Variants in RIT2 observed in about 807,000 individuals in gnomAD.
RIT2 encodes GTP-binding protein Rit2.
RIT2 carries 24 observed loss-of-function variants against 23.7 expected under a neutral mutation model. The observed-to-expected ratio is 1.01, with a 90% CI of 0.73 to 1.43. The LOEUF (loss-of-function observed/expected upper bound fraction) is 1.43, where lower values mean the gene tolerates loss of function less well. RIT2 is among the 40% of genes most tolerant of loss of function. RIT2 has a pLI of 0.00. For synonymous variants in RIT2, 107 were observed against 91.1 expected (o/e 1.17, Z -0.99); for missense variants, 236 against 266.9 (o/e 0.88, Z 0.81).
intron 4 of RIT2, among the ~76,000 whole-genome samples, chr18:42,851,026 T>C (rs1907040917): frequency 1.3e-5 from 2 of 152,198 alleles, no homozygotes; most frequent in South Asian, 2.1e-4. Flanking sequence ...ACATAAGAGG[T>C]GCTCATGAGT....
At chr18:42,895,641 C>T (rs989100629) in intron 4 of RIT2, among the ~76,000 whole-genome samples, 25 of 152,206 alleles carry the variant, frequency 1.6e-4, no homozygotes, top group Admixed American at 3.3e-4. Flanking sequence ...GAGATGTAAA[C>T]GGTTTTAAGT....
chr18:42,744,733 G>A (rs1463162919), intron 4 of RIT2, among the ~76,000 whole-genome samples: 2 of 152,040 alleles, frequency 1.3e-5, no homozygotes, highest in Non-Finnish European at 2.9e-5. Context: ...TTTCACTGAA[G>A]AATAAGTTGA....
intron 4 of RIT2, among the ~76,000 whole-genome samples, chr18:42,830,150 C>T (rs1207597206): frequency 6.6e-6 from 1 of 152,118 alleles, no homozygotes; most frequent in East Asian, 1.9e-4. Context: ...ATTTAGAGAC[C>T]ATAACTAGCC....
At chr18:43,034,213 G>A (rs1911924089) in intron 1 of RIT2, among the ~76,000 whole-genome samples, 2 of 152,132 alleles carry the variant, frequency 1.3e-5, no homozygotes, top group Non-Finnish European at 2.9e-5. Context: ...TGGTAATGAT[G>A]TGCAAGTCCC....
chr18:43,074,923 G>A (rs1194383087), intron 1 of RIT2, among the ~76,000 whole-genome samples: 1 of 152,100 alleles, frequency 6.6e-6, no homozygotes, highest in Non-Finnish European at 1.5e-5. Context: ...GGAGAGCATC[G>A]GGAAAAATAG....
chr18:43,013,847 C>A (rs1911409970), intron 2 of RIT2, among the ~76,000 whole-genome samples: 1 of 151,708 alleles, frequency 6.6e-6, no homozygotes, highest in African/African-American at 2.4e-5. Flanking sequence ...CCTGGGCATA[C>A]TTCTCACAAA....
chr18:42,852,543 C>A (rs889543625), intron 4 of RIT2, among the ~76,000 whole-genome samples: 2 of 152,040 alleles, frequency 1.3e-5, no homozygotes, highest in African/African-American at 4.8e-5. Flanking sequence ...ATTTGTTACT[C>A]GGAGATGTTG....
Position 43,115,652 on chromosome 18 carries a change from C to T in RIT2, c.-133G>A. On this transcript the variant is annotated 5_prime_UTR_variant, in exon 1 of 5. Transcript: ENST00000326695. The stretch of plus-strand genomic sequence containing the variant: ...CGAGGTAAGAACCATCAGCGTCGGG[C>T]TGGCTGCTGGTCCTCCGCTCGAGCG... The T allele has an allele frequency of 7.7e-7, 1 of 1,294,244 alleles. No individual in the cohort carries two copies. The highest frequency in any genetic ancestry group is 1.0e-6 in the Non-Finnish European group (1 of 984,912). The allele number at this position is 1,294,244 out of a possible 1,614,324, so 80.2% of individuals were successfully genotyped here.
intron 4 of RIT2, among the ~76,000 whole-genome samples, chr18:42,744,200 T>C (rs925744948): frequency 1.3e-5 from 2 of 152,176 alleles, no homozygotes; most frequent in African/African-American, 2.4e-5. Flanking sequence ...CTCCCTTTGC[T>C]GACTCTCTTT....
intron 4 of RIT2, among the ~76,000 whole-genome samples, chr18:42,793,247 T>A (rs1293610203): frequency 6.6e-6 from 1 of 152,222 alleles, no homozygotes; most frequent in Non-Finnish European, 1.5e-5. Flanking sequence ...TTAATTTTTA[T>A]CTATAAAATG....
chr18:43,047,015 A>G (rs1296757960), intron 1 of RIT2, among the ~76,000 whole-genome samples: 1 of 152,144 alleles, frequency 6.6e-6, no homozygotes, highest in Admixed American at 6.5e-5. Context: ...ACCCTTCCAA[A>G]TAAAAAAAAG....
At position 42,758,011 on chromosome 18, in the gene RIT2, T is replaced by A. The variant is rs553817760; in HGVS notation, c.427-14291A>T. Among the ~76,000 whole-genome samples, 377 of 152,112 alleles carry A rather than the reference T, an allele frequency of 2.5e-3. 1 individual carries two copies. Among genetic ancestry groups the A allele is most frequent in the African/African-American group, 8.6e-3 (358 of 41,492 alleles). The stretch of plus-strand genomic sequence containing the variant: ...TGGGCTGAATAACCTTTTTTTTTTT[T>A]AATCTATTTCAATCCTGCAGTATTA... On this transcript the variant is annotated intron_variant, in intron 4 of 4. Coordinates refer to ENST00000326695, the MANE Select transcript of RIT2 (RefSeq NM_002930.4).
At chr18:42,760,734 A>G (rs932164737) in intron 4 of RIT2, among the ~76,000 whole-genome samples, 2 of 152,242 alleles carry the variant, frequency 1.3e-5, no homozygotes, top group Non-Finnish European at 2.9e-5. Flanking sequence ...CATGATTGAT[A>G]TAATAAACAG....
At chr18:42,974,449 G>A (rs1910434842) in intron 2 of RIT2, among the ~76,000 whole-genome samples, 1 of 151,898 alleles carries the variant, frequency 6.6e-6, no homozygotes, top group African/African-American at 2.4e-5. Flanking sequence ...TAACAATGCA[G>A]GGCAAAATTG....
chr18:42,884,003 C>T (rs1185183892), intron 4 of RIT2, among the ~76,000 whole-genome samples: 1 of 152,166 alleles, frequency 6.6e-6, no homozygotes, highest in Non-Finnish European at 1.5e-5. Context: ...CAATAAACTT[C>T]TATGTAATAA....
At chr18:43,031,009 A>T (rs1911841440) in intron 2 of RIT2, among the ~76,000 whole-genome samples, 1 of 151,938 alleles carries the variant, frequency 6.6e-6, no homozygotes, top group South Asian at 2.1e-4. Flanking sequence ...GGCCTGCAAG[A>T]TCTTCAAAGA....
At chr18:42,794,819 C>G (rs968769692) in intron 4 of RIT2, among the ~76,000 whole-genome samples, 1 of 152,078 alleles carries the variant, frequency 6.6e-6, no homozygotes, top group African/African-American at 2.4e-5. Flanking sequence ...TTGAGGACTG[C>G]CTTGCTAATT....
chr18:42,919,534 T>C (rs1211720454), intron 4 of RIT2, among the ~76,000 whole-genome samples: 1 of 151,816 alleles, frequency 6.6e-6, no homozygotes, highest in Non-Finnish European at 1.5e-5. Context: ...GCCAACATAG[T>C]GAAACCACGT....
chr18:42,866,793 T>G lies in RIT2; in HGVS notation c.426+56779A>C, dbSNP rs186213642. Among the ~76,000 whole-genome samples the G allele has an allele frequency of 3.9e-5, 6 of 152,320 alleles. No homozygotes were observed. In the East Asian group the frequency reaches 7.7e-4, roughly 20 times the overall value. ...CAGTATTATTTAGCTCAGTTCAGTA[T>G]GAAATCATATTTAAATGGCTCTTTT... is the stretch of plus-strand genomic sequence containing the variant. On this transcript the variant is annotated intron_variant, in intron 4 of 4. Transcript: ENST00000326695.
Sources: allele counts gnomAD v4.1 joint callset (sites outside exome capture counted in the v4.1 genomes callset), GRCh38; gene constraint gnomAD v4.1.1; transcripts MANE v1.5; gene names NCBI Gene and HGNC (gene_info 2026-07-23, HGNC 2026-07-21).